CNTN4: variants seen among roughly 807,000 people sequenced by gnomAD.
The protein encoded by CNTN4 is contactin-4.
A neutral mutation model predicts 122.5 loss-of-function variants in CNTN4; 77 were observed. That is an observed-to-expected ratio of 0.63 (90% CI 0.52 to 0.76). CNTN4 has a LOEUF of 0.76. Among genes scored for constraint, CNTN4 ranks in the 30% least tolerant of loss-of-function variants. The pLI, the probability that CNTN4 is intolerant of heterozygous loss-of-function variation, is 0.00. For synonymous variants in CNTN4, 512 were observed against 447.0 expected, an observed-to-expected ratio of 1.15 and a Z score of -1.83; for missense variants, 1,256 against 1,259.1, an observed-to-expected ratio of 1.00 and a Z score of 0.04.
chr3:2,109,639 A>G (rs544406371), intron 2 of CNTN4, among the ~76,000 whole-genome samples: 3 of 152,338 alleles, frequency 2.0e-5, no homozygotes, highest in Admixed American at 6.5e-5. Flanking sequence ...AAACAATGAT[A>G]TGACTCAAAT....
intron 2 of CNTN4, among the ~76,000 whole-genome samples, chr3:2,231,669 G>A (rs1336973224): frequency 6.6e-6 from 1 of 152,058 alleles, no homozygotes; most frequent in Non-Finnish European, 1.5e-5. Context: ...GTTATTTTGG[G>A]TTAAAGTCAA....
chr3:2,457,919 T>A (rs1343744839), intron 3 of CNTN4, among the ~76,000 whole-genome samples: 1 of 152,088 alleles, frequency 6.6e-6, no homozygotes, highest in African/African-American at 2.4e-5. Flanking sequence ...ATGAATTACA[T>A]TATTAGTAGA....
intron 7 of CNTN4, among the ~76,000 whole-genome samples, chr3:2,824,705 A>G (rs1050681854): frequency 1.3e-5 from 2 of 152,182 alleles, no homozygotes. Context: ...TCTGTCAACC[A>G]GGCTGGAGTG....
intron 2 of CNTN4, among the ~76,000 whole-genome samples, chr3:2,292,640 G>T (rs923527343): frequency 9.2e-5 from 14 of 151,868 alleles, no homozygotes; most frequent in African/African-American, 3.4e-4. Context: ...ATTTTTACTT[G>T]GTCTAGAATT....
chr3:3,048,567 G>T (rs1460499690), intron 23 of CNTN4, among the ~76,000 whole-genome samples: 1 of 151,098 alleles, frequency 6.6e-6, no homozygotes, highest in Non-Finnish European at 1.5e-5. Flanking sequence ...TGTATGTGTG[G>T]TACCTCCCGT....
intron 4 of CNTN4, among the ~76,000 whole-genome samples, chr3:2,596,420 A>T (rs191599880): frequency 3.3e-5 from 5 of 152,334 alleles, no homozygotes; most frequent in African/African-American, 9.6e-5. Context: ...TTAGATAAAG[A>T]TGATAATGTT....
intron 3 of CNTN4, among the ~76,000 whole-genome samples, chr3:2,538,852 C>A (rs748789375): frequency 1.3e-5 from 2 of 151,780 alleles, no homozygotes; most frequent in South Asian, 4.1e-4. Context: ...TATGCACACA[C>A]AGACACACAC....
intron 2 of CNTN4, among the ~76,000 whole-genome samples, chr3:2,330,957 C>T (rs2043693260): frequency 6.6e-6 from 1 of 152,076 alleles, no homozygotes. Context: ...CATAATGTGA[C>T]ACATTAAACA....
chr3:2,489,091 T>C (rs1232556819), intron 3 of CNTN4, among the ~76,000 whole-genome samples: 2 of 152,218 alleles, frequency 1.3e-5, no homozygotes, highest in Admixed American at 6.5e-5. Flanking sequence ...AATGTTGAAA[T>C]ATTTTCCACA....
intron 2 of CNTN4, among the ~76,000 whole-genome samples, chr3:2,323,692 G>T (rs867991779): frequency 5.3e-4 from 81 of 152,040 alleles, no homozygotes; most frequent in Non-Finnish European, 1.1e-3. Flanking sequence ...CTATTTCATT[G>T]CAACCCTGAC....
intron 16 of CNTN4, among the ~76,000 whole-genome samples, chr3:3,033,931 T>C (rs1165429691): frequency 1.3e-5 from 2 of 152,228 alleles, no homozygotes; most frequent in East Asian, 3.9e-4. Flanking sequence ...CGGGTATGAG[T>C]TGCAGAAACT....
chr3:2,783,853 A>G (rs1022970494), intron 6 of CNTN4, among the ~76,000 whole-genome samples: 1 of 152,340 alleles, frequency 6.6e-6, no homozygotes, highest in South Asian at 2.1e-4. Flanking sequence ...ATGAATGTTC[A>G]TGATGAATCC....
intron 7 of CNTN4, among the ~76,000 whole-genome samples, chr3:2,843,558 A>AT (rs889683523): frequency 2.0e-5 from 3 of 152,176 alleles, no homozygotes; most frequent in African/African-American, 7.2e-5. Context: ...GTGGGAGGTG[A>AT]TTGGATCATG....
intron 7 of CNTN4, among the ~76,000 whole-genome samples, chr3:2,856,615 C>A (rs930308816): frequency 3.9e-5 from 6 of 152,224 alleles, no homozygotes; most frequent in Admixed American, 3.9e-4. Flanking sequence ...GATGGACGGG[C>A]ACAGCCCTCC....
intron 12 of CNTN4, among the ~76,000 whole-genome samples, chr3:2,917,557 T>A (rs1318342729): frequency 6.6e-6 from 1 of 152,174 alleles, no homozygotes; most frequent in East Asian, 1.9e-4. Context: ...GGGATCACAT[T>A]TTCAGTGGCA....
At chr3:2,120,406 T>TATATATATATA (rs1491534107) in intron 2 of CNTN4, among the ~76,000 whole-genome samples, 35 of 24,524 alleles carry the variant, frequency 1.4e-3, no homozygotes, top group Non-Finnish European at 2.6e-3. Flanking sequence ...TATATATATA[T>TATATATATATA]TTTTTTTTTT....
In CNTN4 at chr3:2,947,437, T is replaced by C. The variant is rs114335057; in HGVS notation, c.1358+21658T>C. 4.0e-3 allele frequency among the ~76,000 whole-genome samples: 615 copies of C among 152,316 alleles called. 4 individuals carry two copies. Among genetic ancestry groups the C allele is most frequent in the African/African-American group, 0.014 (585 of 41,570 alleles). ...CTCTATCCCTTTATGTTACCAATGA[T>C]CATTCAGAAGGAGAAGAAGGTTTTA... On this transcript the variant is annotated intron_variant, in intron 13 of 24. Coordinates refer to ENST00000418658, the MANE Select transcript of CNTN4 (RefSeq NM_175607.3).
chr3:2,571,200 G>A (rs764442121), intron 3 of CNTN4: 1 of 452,250 alleles, frequency 2.2e-6, no homozygotes, highest in South Asian at 2.2e-5. Context: ...AAGCCACAGG[G>A]ACACTTCAGC....
At chr3:2,553,537 A>G (rs919536200) in intron 3 of CNTN4, among the ~76,000 whole-genome samples, 1 of 152,160 alleles carries the variant, frequency 6.6e-6, no homozygotes, top group African/African-American at 2.4e-5. Context: ...AAAGGAACCT[A>G]AAGGCATTTA....
Sources: allele counts gnomAD v4.1 joint callset (sites outside exome capture counted in the v4.1 genomes callset), GRCh38; gene constraint gnomAD v4.1.1; transcripts MANE v1.5; gene names NCBI Gene and HGNC (gene_info 2026-07-23, HGNC 2026-07-21).